Variants in FRAS1 observed in about 807,000 individuals in gnomAD.
FRAS1 encodes the protein Fraser extracellular matrix complex subunit 1.
A neutral mutation model predicts 435.2 loss-of-function variants in FRAS1; 290 were observed. That is an observed-to-expected ratio of 0.67 (90% CI 0.61 to 0.73). The LOEUF is 0.73. Ranked by LOEUF, FRAS1 falls within the 30% of genes least tolerant of loss-of-function variation. The probability of loss-of-function intolerance (pLI) is 0.00; values close to 1 mark genes in which losing one functional copy is unlikely to be tolerated. For missense variants in FRAS1, 4,860 were observed against 5,001.5 expected, an observed-to-expected ratio of 0.97 and a Z score of 0.85; for synonymous variants, 1,800 against 1,851.0, an observed-to-expected ratio of 0.97 and a Z score of 0.71.
chr4:78,244,834 T>C (rs1725157927), intron 3 of FRAS1, among the ~76,000 whole-genome samples: 1 of 152,170 alleles, frequency 6.6e-6, no homozygotes. Context: ...CTGGCTGCAC[T>C]AGGCTGTGTA....
At chr4:78,092,652 A>G (rs1353784254) in intron 2 of FRAS1, among the ~76,000 whole-genome samples, 1 of 152,184 alleles carries the variant, frequency 6.6e-6, no homozygotes, top group Non-Finnish European at 1.5e-5. Flanking sequence ...GAGCCAAACC[A>G]TATCATAGGC....
chr4:78,382,758 T>C (rs7670150), intron 27 of FRAS1, among the ~76,000 whole-genome samples: 96,746 of 152,064 alleles, frequency 0.64, 30,917 homozygotes, highest in African/African-American at 0.66. Context: ...ACCACAACCA[T>C]AGTCAATATG....
chr4:78,071,255 T>C (rs180822912), intron 2 of FRAS1: 24 of 152,346 alleles, frequency 1.6e-4, no homozygotes, highest in African/African-American at 5.5e-4. Flanking sequence ...TATAATACTT[T>C]ATACAGCCAG....
intron 2 of FRAS1, among the ~76,000 whole-genome samples, chr4:78,220,511 G>C (rs774789591): frequency 6.6e-6 from 1 of 152,118 alleles, no homozygotes; most frequent in South Asian, 2.1e-4. Flanking sequence ...ACAAGTCCAG[G>C]CAGTTCTAAA....
In FRAS1 at chr4:78,540,998, C is replaced by T. The variant is rs1299630636; in HGVS notation, c.11913C>T (p.Cys3971=). 2 of 1,602,456 alleles carry T rather than the reference C, an allele frequency of 1.2e-6. No homozygotes were observed. Among genetic ancestry groups the T allele is most frequent in the Non-Finnish European group, 1.7e-6 (2 of 1,173,028 alleles). Residue 3971 remains cysteine, a synonymous_variant, in exon 74 of 74, where the codon TGC becomes TGT. Transcript: ENST00000512123. ...RVEKNVNRHY[C]TVRNVNILSE... is the part of the protein sequence containing the mutation. ...AGAAGAACGTGAATAGACACTACTG[C>T]ACTGTGCGGAACGTCAACATCCTGA...
intron 9 of FRAS1, 38 bp downstream of exon 9, chr4:78,267,470 C>T (rs1314445240): frequency 1.9e-6 from 3 of 1,583,050 alleles, no homozygotes; most frequent in Non-Finnish European, 2.6e-6. Context: ...AACGTTGCAG[C>T]TCTTTCCAAC....
intron 19 of FRAS1, among the ~76,000 whole-genome samples, chr4:78,335,058 C>T (rs979810571): frequency 2.0e-5 from 3 of 152,132 alleles, no homozygotes; most frequent in African/African-American, 7.2e-5. Context: ...CTGTATCTGG[C>T]TCCATTTCTT....
intron 29 of FRAS1, 55 bp from the exon 30 acceptor site, chr4:78,400,679 A>T: frequency 6.5e-7 from 1 of 1,541,910 alleles, no homozygotes; most frequent in East Asian, 2.3e-5. Flanking sequence ...GTGTTTAAGG[A>T]TTGATATATT....
At chr4:78,463,717 C>A (rs961020588) in intron 47 of FRAS1, among the ~76,000 whole-genome samples, 2 of 152,176 alleles carry the variant, frequency 1.3e-5, no homozygotes, top group African/African-American at 4.8e-5. Flanking sequence ...AATGGCTCTA[C>A]CTTTCACAAA....
intron 18 of FRAS1, among the ~76,000 whole-genome samples, chr4:78,332,292 C>G (rs1214654580): frequency 1.3e-5 from 2 of 152,096 alleles, no homozygotes; most frequent in African/African-American, 4.8e-5. Context: ...GAGGGCCAGT[C>G]TCTCCAAAAT....
intron 2 of FRAS1, among the ~76,000 whole-genome samples, chr4:78,086,769 C>T (rs113444009): frequency 0.024 from 3,637 of 151,954 alleles, 146 homozygotes; most frequent in African/African-American, 0.082. Context: ...TCTGAAATTG[C>T]GGCAATAATT....
chr4:78,116,319 G>A (rs1186344686), intron 2 of FRAS1, among the ~76,000 whole-genome samples: 2 of 152,182 alleles, frequency 1.3e-5, no homozygotes, highest in Non-Finnish European at 2.9e-5. Flanking sequence ...GATTTGGGGT[G>A]GAGAGTTCTG....
intron 45 of FRAS1, chr4:78,450,583 G>A (rs1718990273): frequency 2.2e-6 from 1 of 457,188 alleles, no homozygotes; most frequent in South Asian, 2.6e-5. Flanking sequence ...AGCTATTTTG[G>A]AGAGAAAAAG....
intron 9 of FRAS1, among the ~76,000 whole-genome samples, chr4:78,268,044 G>A (rs548668270): frequency 2.0e-5 from 3 of 152,192 alleles, no homozygotes; most frequent in Non-Finnish European, 4.4e-5. Context: ...ACTGTATGTT[G>A]GAGGGAAATG....
intron 47 of FRAS1, 150 bp downstream of exon 47, chr4:78,452,504 T>C: frequency 1.7e-6 from 1 of 573,814 alleles, no homozygotes; most frequent in Non-Finnish European, 2.9e-6. Context: ...TACACTGGCT[T>C]GTATTATACT....
chr4:78,308,882 A>G (rs1406042121), intron 15 of FRAS1, among the ~76,000 whole-genome samples: 1 of 152,218 alleles, frequency 6.6e-6, no homozygotes, highest in Non-Finnish European at 1.5e-5. Context: ...GGAAGACACA[A>G]TAATGGGCTC....
At chr4:78,313,371 C>G (rs774247483) in intron 15 of FRAS1, among the ~76,000 whole-genome samples, 3 of 152,150 alleles carry the variant, frequency 2.0e-5, no homozygotes, top group Non-Finnish European at 2.9e-5. Context: ...TTGGCCCCAT[C>G]ATTTAGCGTC....
chr4:78,318,243 T>C (rs1349820211), intron 17 of FRAS1, among the ~76,000 whole-genome samples: 1 of 152,214 alleles, frequency 6.6e-6, no homozygotes, highest in Non-Finnish European at 1.5e-5. Context: ...GGGCACCAGA[T>C]AGTTTGACTA....
At chr4:78,138,160 G>T (rs1286382968) in intron 2 of FRAS1, among the ~76,000 whole-genome samples, 2 of 152,188 alleles carry the variant, frequency 1.3e-5, no homozygotes, top group South Asian at 2.1e-4. Context: ...ATATCCAGTG[G>T]CATTGGAGGC....
Sources: gnomAD v4.1 joint callset for allele counts (sites outside exome capture counted in the v4.1 genomes callset) on GRCh38, gnomAD v4.1.1 for gene constraint, MANE v1.5 for transcripts, NCBI Gene and HGNC (gene_info 2026-07-23, HGNC 2026-07-21) for gene names.